TMEM178B: variants seen among roughly 807,000 people sequenced by gnomAD.
TMEM178B encodes the protein transmembrane protein 178B.
Under a neutral mutation model 31.0 loss-of-function variants are expected in TMEM178B, and 5 were observed. The observed-to-expected ratio is 0.16, with a 90% CI of 0.08 to 0.34. The LOEUF (loss-of-function observed/expected upper bound fraction) is 0.34, where lower values mean the gene tolerates loss of function less well. Ranked by LOEUF, TMEM178B falls within the 10% of genes least tolerant of loss-of-function variation. The pLI, the probability that TMEM178B is intolerant of heterozygous loss-of-function variation, is 1.00. For synonymous variants in TMEM178B, 164 were observed against 164.0 expected, an observed-to-expected ratio of 1.00 and a Z score of 0.00; for missense variants, 275 against 400.3, an observed-to-expected ratio of 0.69 and a Z score of 2.67.
At chr7:141,378,240 T>A (rs1586921855) in intron 2 of TMEM178B, among the ~76,000 whole-genome samples, 3 of 152,338 alleles carry the variant, frequency 2.0e-5, no homozygotes, top group Admixed American at 2.0e-4. Flanking sequence ...GTGCTCTTCT[T>A]GCATTATATG....
At position 141,389,548 on chromosome 7, in the gene TMEM178B, G is replaced by A. The variant is rs369381597; in HGVS notation, c.497-48060G>A. Among the ~76,000 whole-genome samples the A allele has an allele frequency of 2.0e-5, 3 of 152,190 alleles. No homozygotes were observed. In the East Asian group the frequency reaches 5.8e-4, roughly 29 times the overall value. The stretch of plus-strand genomic sequence containing the variant: ...GCTGGGAAGATTGATGGGTGTGGGA[G>A]GCCCCGATGTTCCCATGATCTTAAG... On this transcript the variant is annotated intron_variant, in intron 2 of 3. Coordinates refer to ENST00000565468, the MANE Select transcript of TMEM178B (RefSeq NM_001195278.2).
chr7:141,444,795 G>C (rs1801722944), intron 3 of TMEM178B, among the ~76,000 whole-genome samples: 1 of 151,892 alleles, frequency 6.6e-6, no homozygotes, highest in Non-Finnish European at 1.5e-5. Flanking sequence ...CCTGCTTTTG[G>C]CACCCCGTGT....
Position 141,172,719 on chromosome 7 carries a change from G to A in TMEM178B, c.383-39872G>A, listed in dbSNP as rs960944486. Among the ~76,000 whole-genome samples, 9 of 152,214 alleles carry A rather than the reference G, an allele frequency of 5.9e-5. 1 individual carries two copies. The highest frequency in any genetic ancestry group is 5.9e-4 in the Admixed American group (9 of 15,286). ...TTGCTGGCCACATTGGCTAAGGGAG[G>A]AACAATTAGTGATTATGAGATGGTA... On this transcript the variant is annotated intron_variant, in intron 1 of 3. Coordinates refer to ENST00000565468, the MANE Select transcript of TMEM178B (RefSeq NM_001195278.2).
chr7:141,488,269 C>T, the TMEM178B span, among the ~76,000 whole-genome samples: 5 of 152,096 alleles, frequency 3.3e-5, no homozygotes, highest in African/African-American at 1.2e-4. Context: ...TGGTTTCTAG[C>T]CCCCAGAGGT....
chr7:141,501,357 G>C, the TMEM178B span, among the ~76,000 whole-genome samples: 2 of 150,640 alleles, frequency 1.3e-5, no homozygotes, highest in African/African-American at 2.4e-5. Context: ...AACAGAGCAC[G>C]TACTACCACC....
At chr7:141,113,654 G>T (rs1795270939) in intron 1 of TMEM178B, among the ~76,000 whole-genome samples, 1 of 152,152 alleles carries the variant, frequency 6.6e-6, no homozygotes, top group African/African-American at 2.4e-5. Flanking sequence ...GTTTCTCTGG[G>T]GGTTCCTCTT....
intron 1 of TMEM178B, among the ~76,000 whole-genome samples, chr7:141,128,044 G>T (rs149204490): frequency 2.0e-5 from 3 of 152,108 alleles, no homozygotes; most frequent in Non-Finnish European, 4.4e-5. Context: ...ATTTATTCCT[G>T]TATTGATAAG....
At chr7:141,376,828 G>C (rs924870699) in intron 2 of TMEM178B, among the ~76,000 whole-genome samples, 23 of 152,094 alleles carry the variant, frequency 1.5e-4, no homozygotes, top group Non-Finnish European at 3.1e-4. Context: ...TATTTTAAAG[G>C]ACATGACAAT....
intron 2 of TMEM178B, chr7:141,431,340 C>G (rs1224883810): frequency 6.6e-6 from 1 of 151,986 alleles, no homozygotes; most frequent in African/African-American, 2.4e-5. Flanking sequence ...AATACCTATC[C>G]ATTTAAATGT....
At chr7:141,116,525 T>G (rs760795076) in intron 1 of TMEM178B, among the ~76,000 whole-genome samples, 2 of 152,186 alleles carry the variant, frequency 1.3e-5, no homozygotes, top group African/African-American at 2.4e-5. Flanking sequence ...AGACTTTTTT[T>G]TTTTTAAATA....
intron 2 of TMEM178B, among the ~76,000 whole-genome samples, chr7:141,337,276 A>G (rs1215608474): frequency 7.8e-6 from 1 of 127,760 alleles, no homozygotes; most frequent in African/African-American, 3.0e-5. Flanking sequence ...CACCACCATC[A>G]CCACTACCAC....
rs551708970 is a variant in TMEM178B at position 141,461,738 on chromosome 7, G to T, written c.635-8798G>T. On this transcript the variant is annotated intron_variant, in intron 3 of 3. Transcript: ENST00000565468. This position sits in a 1 kb window ranked among gnomAD's most constrained non-coding sequence, Gnocchi z 4.0. ...TCTGTGTAGGCTAATCCAGCAACAA[G>T]CACACAGGAAGCACTGCCTTGTCCA... 1.3e-5 allele frequency among the ~76,000 whole-genome samples: 2 copies of T among 152,294 alleles called. No homozygotes were observed. Among genetic ancestry groups the T allele is most frequent in the Admixed American group, 6.5e-5 (1 of 15,298 alleles).
rs1802389523 is a variant in TMEM178B at position 141,477,271 on chromosome 7, A to G, written c.*6485A>G. 1.3e-5 allele frequency: 2 copies of G among 154,842 alleles called. No individual in the cohort carries two copies. The highest frequency in any genetic ancestry group is 1.3e-4 in the Admixed American group (2 of 15,296). The allele number at this position is 154,842 out of a possible 1,614,324, so 9.6% of individuals were successfully genotyped here. A position where few individuals can be genotyped will look rare whatever the true frequency, so the allele number is the denominator to read the frequency against. ...CAAGACTATCTGTAAAAATGTACAA[A>G]TAAAAGTGAAAACTGAAAATAAAGG... On this transcript the variant is annotated 3_prime_UTR_variant, in exon 4 of 4. Coordinates refer to ENST00000565468, the MANE Select transcript of TMEM178B (RefSeq NM_001195278.2).
At chr7:141,464,313 A>G (rs761640117) in intron 3 of TMEM178B, among the ~76,000 whole-genome samples, 10 of 152,090 alleles carry the variant, frequency 6.6e-5, no homozygotes, top group Admixed American at 1.3e-4. Context: ...ACCAGTTGCT[A>G]CTGGATATTT....
intron 2 of TMEM178B, among the ~76,000 whole-genome samples, chr7:141,337,210 C>T (rs1799433473): frequency 8.7e-6 from 1 of 115,428 alleles, no homozygotes; most frequent in African/African-American, 3.6e-5. Context: ...CCACCACCAC[C>T]ATCACCACCA....
chr7:141,211,668 A>G (rs1352788250), intron 1 of TMEM178B, among the ~76,000 whole-genome samples: 1 of 152,154 alleles, frequency 6.6e-6, no homozygotes, highest in Non-Finnish European at 1.5e-5. Flanking sequence ...GTAATGGGGG[A>G]AGAGCTCCCC....
intron 1 of TMEM178B, among the ~76,000 whole-genome samples, chr7:141,086,243 G>C (rs1026255670): frequency 1.3e-5 from 2 of 152,196 alleles, no homozygotes; most frequent in African/African-American, 4.8e-5. Context: ...TGTTGGCCAG[G>C]CTGGTCTCGA....
chr7:141,301,360 A>G (rs754504045), intron 2 of TMEM178B, among the ~76,000 whole-genome samples: 1 of 152,218 alleles, frequency 6.6e-6, no homozygotes, highest in Non-Finnish European at 1.5e-5. Flanking sequence ...TCTTTTACCA[A>G]AAGTGAGATT....
At chr7:141,395,254 T>TA (rs568929810) in intron 2 of TMEM178B, among the ~76,000 whole-genome samples, 229 of 152,212 alleles carry the variant, frequency 1.5e-3, no homozygotes, top group African/African-American at 3.3e-3. Context: ...ACCTGGGCAA[T>TA]ATGGTGAAAC....
Sources: gnomAD v4.1 joint callset for allele counts (sites outside exome capture counted in the v4.1 genomes callset) on GRCh38, gnomAD v4.1.1 for gene constraint, Gnocchi (gnomAD v3.1) non-coding constraint, MANE v1.5 for transcripts, NCBI Gene and HGNC (gene_info 2026-07-23, HGNC 2026-07-21) for gene names.